The following KSR2 variants were observed in gnomAD, a reference collection of about 807,000 sequenced individuals.
KSR2 encodes kinase suppressor of ras 2.
In KSR2, 25 loss-of-function variants were observed where a neutral mutation model predicts 107.8. The ratio of observed to expected loss-of-function variants is 0.23; its 90% CI spans 0.17 to 0.32. The LOEUF (loss-of-function observed/expected upper bound fraction) is 0.32, where lower values mean the gene tolerates loss of function less well. Ranked by LOEUF, KSR2 falls within the 10% of genes least tolerant of loss-of-function variation. The pLI, the probability that KSR2 is intolerant of heterozygous loss-of-function variation, is 1.00. For synonymous variants in KSR2, 480 were observed against 507.0 expected, an observed-to-expected ratio of 0.95 and a Z score of 0.71; for missense variants, 887 against 1,268.9, an observed-to-expected ratio of 0.70 and a Z score of 4.57.
At chr12:117,690,995 C>T (rs778157676) in intron 4 of KSR2, among the ~76,000 whole-genome samples, 42 of 152,154 alleles carry the variant, frequency 2.8e-4, no homozygotes, top group Non-Finnish European at 5.4e-4. Flanking sequence ...CAGTGTTTTC[C>T]GATCACAGGC....
intron 4 of KSR2, among the ~76,000 whole-genome samples, chr12:117,678,978 G>A (rs1216077710): frequency 6.6e-6 from 1 of 152,176 alleles, no homozygotes; most frequent in East Asian, 1.9e-4. Flanking sequence ...CAGTGGGAAA[G>A]ACTGGTATCA....
chr12:117,587,708 G>C (rs1435137999), intron 5 of KSR2, among the ~76,000 whole-genome samples: 1 of 152,152 alleles, frequency 6.6e-6, no homozygotes, highest in African/African-American at 2.4e-5. Flanking sequence ...AGAGTCTACA[G>C]GGGGAAATCA....
chr12:117,806,936 C>T (rs373195100), intron 3 of KSR2, among the ~76,000 whole-genome samples: 1 of 152,184 alleles, frequency 6.6e-6, no homozygotes, highest in African/African-American at 2.4e-5. Context: ...CAAGAACAAG[C>T]CTCTCACTTC....
intron 6 of KSR2, among the ~76,000 whole-genome samples, chr12:117,581,026 C>G (rs537149289): frequency 6.6e-6 from 1 of 152,218 alleles, no homozygotes; most frequent in Non-Finnish European, 1.5e-5. Context: ...AAAAAAGGCC[C>G]TTGTCTTTGA....
intron 1 of KSR2, among the ~76,000 whole-genome samples, chr12:117,869,850 T>C (rs1411435033): frequency 6.6e-6 from 1 of 152,246 alleles, no homozygotes; most frequent in Non-Finnish European, 1.5e-5. Flanking sequence ...TGCCATGTAC[T>C]AAACATTTAC....
intron 9 of KSR2, among the ~76,000 whole-genome samples, chr12:117,551,942 G>T (rs1877340756): frequency 6.6e-6 from 1 of 152,174 alleles, no homozygotes; most frequent in Non-Finnish European, 1.5e-5. Context: ...GGCTCACTGT[G>T]CCTGTAAAGC....
chr12:117,674,581 G>A (rs642846), intron 4 of KSR2, among the ~76,000 whole-genome samples: 66,235 of 151,954 alleles, frequency 0.44, 15,540 homozygotes, highest in Middle Eastern at 0.55. Context: ...TCTGGACATT[G>A]CATATAAATG....
At chr12:117,547,574 T>A (rs149829900) in intron 9 of KSR2, among the ~76,000 whole-genome samples, 4 of 152,158 alleles carry the variant, frequency 2.6e-5, no homozygotes, top group African/African-American at 9.6e-5. Flanking sequence ...GAGTCTAGAC[T>A]CCCTACTTGA....
In KSR2 at chr12:117,869,670, T is replaced by C. The variant is rs893249092; in HGVS notation, c.181-9239A>G. Among the ~76,000 whole-genome samples the C allele has an allele frequency of 3.3e-5, 5 of 152,218 alleles. No homozygotes were observed. The South Asian group carries it at 6.2e-4, about 19-fold the overall frequency. ...ACTTAGTAGTAAGCCCTGAGGGTCT[T>C]TCCCCGTTAGTTCGTACAGATCTGC... On this transcript the variant is annotated intron_variant, in intron 1 of 19. Transcript: ENST00000339824.
intron 4 of KSR2, among the ~76,000 whole-genome samples, chr12:117,672,385 T>A (rs1884947716): frequency 1.3e-5 from 2 of 152,156 alleles, no homozygotes; most frequent in South Asian, 4.2e-4. Flanking sequence ...GAGAAAGTGA[T>A]CTCGGTTTCC....
chr12:117,929,767 A>T (rs935808325), intron 1 of KSR2, among the ~76,000 whole-genome samples: 5 of 152,234 alleles, frequency 3.3e-5, no homozygotes, highest in African/African-American at 1.2e-4. Flanking sequence ...AAAAAGGACA[A>T]ATACTGTTTA....
intron 1 of KSR2, among the ~76,000 whole-genome samples, chr12:117,869,371 CA>C (rs1282462882): frequency 1.3e-5 from 2 of 151,700 alleles, no homozygotes; most frequent in East Asian, 3.9e-4. Context: ...GACTCCATCT[CA>C]AAAAAAAGAA....
chr12:117,819,607 C>CAA (rs201246442), intron 3 of KSR2, among the ~76,000 whole-genome samples: 1 of 151,290 alleles, frequency 6.6e-6, no homozygotes, highest in African/African-American at 2.4e-5. Flanking sequence ...GTTAAGCTGT[C>CAA]AAAAAAAATC....
intron 1 of KSR2, among the ~76,000 whole-genome samples, chr12:117,878,978 C>T (rs533625637): frequency 6.6e-6 from 1 of 152,168 alleles, no homozygotes; most frequent in East Asian, 1.9e-4. Flanking sequence ...CTATCGGGGT[C>T]GTGGATAAAA....
At chr12:117,896,379 G>A (rs1329660160) in intron 1 of KSR2, among the ~76,000 whole-genome samples, 2 of 151,960 alleles carry the variant, frequency 1.3e-5, no homozygotes, top group Non-Finnish European at 2.9e-5. Context: ...GTGGGAGGTG[G>A]ACTAGGGAAT....
intron 4 of KSR2, among the ~76,000 whole-genome samples, chr12:117,748,424 C>T (rs1020235262): frequency 3.9e-5 from 6 of 151,924 alleles, no homozygotes; most frequent in Admixed American, 1.3e-4. Flanking sequence ...ATTTCAAAAC[C>T]ACTGAGAGTA....
chr12:117,963,359 G>A (rs925309836), intron 1 of KSR2, among the ~76,000 whole-genome samples: 2 of 152,254 alleles, frequency 1.3e-5, no homozygotes, highest in Admixed American at 1.3e-4. Flanking sequence ...GCCGTAGGCT[G>A]CCATCCAAGG....
chr12:117,590,147 T>C (rs914771703), intron 5 of KSR2, among the ~76,000 whole-genome samples: 1 of 152,256 alleles, frequency 6.6e-6, no homozygotes, highest in Non-Finnish European at 1.5e-5. Flanking sequence ...GGCTAAGCTA[T>C]TGAGACTATG....
At chr12:117,861,353 T>C (rs1893282464) in intron 1 of KSR2, among the ~76,000 whole-genome samples, 1 of 148,968 alleles carries the variant, frequency 6.7e-6, no homozygotes, top group African/African-American at 2.5e-5. Flanking sequence ...ATACAGAAAC[T>C]CTGTCCACAA....
Sources: gnomAD v4.1 joint callset for allele counts (sites outside exome capture counted in the v4.1 genomes callset) on GRCh38, gnomAD v4.1.1 for gene constraint, MANE v1.5 for transcripts, NCBI Gene and HGNC (gene_info 2026-07-23, HGNC 2026-07-21) for gene names.